Variants in TCAIM observed in about 807,000 individuals in gnomAD.
TCAIM encodes T-cell activation inhibitor, mitochondrial.
In TCAIM, 36 loss-of-function variants were observed where a neutral mutation model predicts 58.6. The ratio of observed to expected loss-of-function variants is 0.61; its 90% CI spans 0.47 to 0.81. TCAIM has a LOEUF of 0.81. TCAIM is among the 30% of genes least tolerant of loss of function. The pLI is 0.00. For synonymous variants in TCAIM, 172 were observed against 193.6 expected (o/e 0.89, Z 0.93); for missense variants, 466 against 579.6 (o/e 0.80, Z 2.01).
Position 44,401,277 on chromosome 3 carries a change from A to G in TCAIM, c.1193A>G (p.Gln398Arg), listed in dbSNP as rs1440364434. 19 of 1,613,980 alleles carry G rather than the reference A, an allele frequency of 1.2e-5. No individual in the cohort carries two copies. Among genetic ancestry groups the G allele is most frequent in the Admixed American group, 5.0e-5 (3 of 59,966 alleles). ...IPTLCDPANLQWFILTKAQQA... is the reference protein window; with the variant it reads ...IPTLCDPANLRWFILTKAQQA... ...ACACTCTGTGATCCAGCAAATCTCC[A>G]GTGGTTTATTCTCACCAAAGCTCAG... is the stretch of plus-strand genomic sequence containing the variant. The change falls in exon 10 of 11, where the codon CAG (glutamine) becomes CGG (arginine). Residue 398 changes from glutamine (Q) to arginine (R), a missense_variant. Coordinates refer to ENST00000342649, the MANE Select transcript of TCAIM (RefSeq NM_173826.4).
At chr3:44,395,965 C>T (rs143383138) in intron 6 of TCAIM, among the ~76,000 whole-genome samples, 520 of 152,268 alleles carry the variant, frequency 3.4e-3, no homozygotes, top group African/African-American at 0.012. Flanking sequence ...CCCGCCTGGG[C>T]GACAGAGTGA....
chr3:44,380,471 A>G (rs1701638862), intron 5 of TCAIM, among the ~76,000 whole-genome samples: 1 of 152,140 alleles, frequency 6.6e-6, no homozygotes, highest in Non-Finnish European at 1.5e-5. Flanking sequence ...ACCAAAATTT[A>G]TGGGACCCAG....
intron 5 of TCAIM, among the ~76,000 whole-genome samples, chr3:44,381,791 G>T (rs185152732): frequency 6.6e-6 from 1 of 152,122 alleles, no homozygotes; most frequent in African/African-American, 2.4e-5. Context: ...AAGTTAGCAG[G>T]ATACAAACTC....
intron 8 of TCAIM, among the ~76,000 whole-genome samples, chr3:44,397,793 A>G (rs571531841): frequency 6.6e-6 from 1 of 152,318 alleles, no homozygotes. Context: ...TTCTCTAATA[A>G]TAAATAATGG....
chr3:44,361,927 TGA>T (rs1701301676), intron 4 of TCAIM, among the ~76,000 whole-genome samples: 4 of 152,212 alleles, frequency 2.6e-5, no homozygotes. Context: ...AGAAAGAATA[TGA>T]GTCTTGAACC....
chr3:44,352,061 A>G (rs1286622184), intron 1 of TCAIM, among the ~76,000 whole-genome samples: 7 of 148,736 alleles, frequency 4.7e-5, no homozygotes, highest in African/African-American at 1.7e-4. Flanking sequence ...TATGTATTAT[A>G]TATAAAGTCA....
Position 44,358,126 on chromosome 3 carries a change from G to A in TCAIM, c.165+250G>A. On this transcript the variant is annotated intron_variant, in intron 3 of 10. Transcript: ENST00000342649. ...TAGAGTACTAGTAATCATGTTTTTG[G>A]TACCAATTTTTGAAGTACAGTTGAG... 3.4e-6 allele frequency: 5 copies of A among 1,468,634 alleles called. No homozygotes were observed. In the East Asian group the frequency reaches 9.7e-5, roughly 28 times the overall value. 91.0% of individuals were successfully genotyped at this position (1,468,634 alleles called of 1,614,324 possible).
chr3:44,387,661 C>CT (rs1701767030), intron 5 of TCAIM, among the ~76,000 whole-genome samples: 1 of 152,266 alleles, frequency 6.6e-6, no homozygotes, highest in Non-Finnish European at 1.5e-5. Flanking sequence ...CACTCTGTGC[C>CT]TGGCTGGCCC....
intron 5 of TCAIM, among the ~76,000 whole-genome samples, chr3:44,380,576 C>T (rs1389289954): frequency 6.6e-6 from 1 of 151,658 alleles, no homozygotes; most frequent in Non-Finnish European, 1.5e-5. Flanking sequence ...AACTGTACAC[C>T]TTATGGGATT....
At chr3:44,351,658 C>T (rs1701091903) in intron 1 of TCAIM, among the ~76,000 whole-genome samples, 1 of 151,768 alleles carries the variant, frequency 6.6e-6, no homozygotes, top group South Asian at 2.1e-4. Context: ...CCACACCTGG[C>T]TAATTTTTGT....
At chr3:44,366,386 C>T (rs1339101555) in intron 4 of TCAIM, among the ~76,000 whole-genome samples, 2 of 151,204 alleles carry the variant, frequency 1.3e-5, no homozygotes, top group Non-Finnish European at 2.9e-5. Flanking sequence ...CTCCCAGGTT[C>T]AAGCAATTCT....
chr3:44,399,508 T>A (rs918389652), intron 8 of TCAIM, among the ~76,000 whole-genome samples: 5 of 152,194 alleles, frequency 3.3e-5, no homozygotes, highest in Non-Finnish European at 5.9e-5. Flanking sequence ...AAGTCCTTAG[T>A]GGTCCTTCCC....
Position 44,354,781 on chromosome 3 carries a change from A to G in TCAIM, c.-2A>G, listed in dbSNP as rs760605335. ...GAAGTTGACGTACATATATATTCAG[A>G]AATGTTTTGCCACCTGAGACCTATG... On this transcript the variant is annotated 5_prime_UTR_variant, in exon 2 of 11. Transcript: ENST00000342649. 3.7e-6 allele frequency: 6 copies of G among 1,611,116 alleles called. No individual in the cohort carries two copies. In the Admixed American group the frequency reaches 5.1e-5, roughly 14 times the overall value.
intron 4 of TCAIM, among the ~76,000 whole-genome samples, chr3:44,364,175 C>G (rs987293534): frequency 3.3e-5 from 5 of 151,494 alleles, no homozygotes; most frequent in Non-Finnish European, 5.9e-5. Flanking sequence ...GATCCGCCCA[C>G]CTCAGCCTCC....
chr3:44,379,456 C>T (rs1701620841), intron 5 of TCAIM, among the ~76,000 whole-genome samples: 1 of 152,096 alleles, frequency 6.6e-6, no homozygotes, highest in Non-Finnish European at 1.5e-5. Context: ...ATAGCAAAAA[C>T]ATGGAATCAA....
chr3:44,356,925 G>A (rs1208125430), intron 2 of TCAIM, among the ~76,000 whole-genome samples: 2 of 151,716 alleles, frequency 1.3e-5, no homozygotes, highest in African/African-American at 2.4e-5. Context: ...TGCATGCAGT[G>A]AGCCAAGATC....
intron 1 of TCAIM, among the ~76,000 whole-genome samples, chr3:44,348,760 T>C (rs1227294490): frequency 2.0e-5 from 3 of 152,184 alleles, no homozygotes; most frequent in South Asian, 2.1e-4. Context: ...CTGGCCCCTC[T>C]GGGTCTAGGG....
chr3:44,386,044 C>G (rs780387965), intron 5 of TCAIM, among the ~76,000 whole-genome samples: 22 of 150,892 alleles, frequency 1.5e-4, no homozygotes, highest in Non-Finnish European at 2.9e-4. Context: ...ATTTCAGACC[C>G]ACAGAAAATT....
intron 5 of TCAIM, among the ~76,000 whole-genome samples, chr3:44,388,135 T>C (rs1170749702): frequency 2.6e-5 from 4 of 152,010 alleles, no homozygotes; most frequent in African/African-American, 9.7e-5. Flanking sequence ...ATACCTAGGT[T>C]GTACTTTTTT....
Sources: allele counts gnomAD v4.1 joint callset (sites outside exome capture counted in the v4.1 genomes callset), GRCh38; gene constraint gnomAD v4.1.1; transcripts MANE v1.5; gene names NCBI Gene and HGNC (gene_info 2026-07-23, HGNC 2026-07-21).